Variants in GNL3L observed in about 807,000 individuals in gnomAD.
The protein encoded by GNL3L is guanine nucleotide-binding protein-like 3-like protein.
GNL3L carries 4 observed loss-of-function variants against 42.9 expected under a neutral mutation model. The ratio of observed to expected loss-of-function variants is 0.09; its 90% CI spans 0.05 to 0.21. The LOEUF (loss-of-function observed/expected upper bound fraction) is 0.21, where lower values mean the gene tolerates loss of function less well. Ranked by LOEUF, GNL3L falls within the 10% of genes least tolerant of loss-of-function variation. GNL3L has a pLI of 1.00. For missense variants in GNL3L, 412 were observed against 481.7 expected (o/e 0.86, Z 1.36); for synonymous variants, 159 against 176.3 (o/e 0.90, Z 0.78).
At chrX:54,559,130 C>T (rs139055142) in intron 15 of GNL3L, among the ~76,000 whole-genome samples, 1 of 111,557 alleles carries the variant, frequency 9.0e-6, no homozygotes, top group East Asian at 2.8e-4. Context: ...TTTCTGTGCC[C>T]CTCCCTCATA....
the GNL3L span, among the ~76,000 whole-genome samples, chrX:54,632,052 A>T: frequency 1.8e-5 from 2 of 112,141 alleles, no homozygotes; most frequent in Non-Finnish European, 3.8e-5. Flanking sequence ...TGGATACAAA[A>T]TTTTTGGCTG....
intron 9 of GNL3L, 33 bp downstream of exon 9, chrX:54,548,406 CTTCT>C (rs771691343): frequency 8.8e-7 from 1 of 1,140,653 alleles, no homozygotes; most frequent in Non-Finnish European, 1.2e-6. Context: ...GGGGCTCAGG[CTTCT>C]TTCTTGAGCG....
chrX:54,606,540 A>G (rs948089515), intron 16 of GNL3L, among the ~76,000 whole-genome samples: 4 of 110,381 alleles, frequency 3.6e-5, no homozygotes, highest in African/African-American at 1.3e-4. Flanking sequence ...CAGTGGTGCA[A>G]TCATAGCTCA....
At chrX:54,575,408 A>G (rs1925619130) in intron 16 of GNL3L, among the ~76,000 whole-genome samples, 1 of 107,662 alleles carries the variant, frequency 9.3e-6, no homozygotes, top group Admixed American at 9.7e-5. Flanking sequence ...TTTTTGGATG[A>G]ATGCACCTTC....
At chrX:54,583,571 C>T (rs1925744275) in intron 16 of GNL3L, among the ~76,000 whole-genome samples, 1 of 110,725 alleles carries the variant, frequency 9.0e-6, no homozygotes, top group Admixed American at 9.7e-5. Flanking sequence ...GAACATTTTG[C>T]CCTATTTTTT....
Position 54,566,985 on chromosome X carries a change from C to T in GNL3L, c.*6383C>T, listed in dbSNP as rs1260027721. 1.8e-5 allele frequency among the ~76,000 whole-genome samples: 2 copies of T among 112,058 alleles called. No homozygotes were observed. Among genetic ancestry groups the T allele is most frequent in the East Asian group, 2.8e-4 (1 of 3,578 alleles). Reference sequence around the variant, plus strand: ...ATGGATCATGCTTTTTGTGTTACATCAGAGGAGTCTTTGCTTAACATGAGA... The same window carrying T: ...ATGGATCATGCTTTTTGTGTTACATTAGAGGAGTCTTTGCTTAACATGAGA... On this transcript the variant is annotated 3_prime_UTR_variant, in exon 16 of 16. Transcript: ENST00000360845.
chrX:54,605,860 G>A (rs1391469803), intron 16 of GNL3L, among the ~76,000 whole-genome samples: 1 of 111,240 alleles, frequency 9.0e-6, no homozygotes, highest in Middle Eastern at 4.7e-3. Flanking sequence ...ACTTCCCTTA[G>A]GACATGTTTC....
intron 1 of GNL3L, among the ~76,000 whole-genome samples, chrX:54,532,172 G>A (rs1314999160): frequency 9.1e-6 from 1 of 110,055 alleles, no homozygotes; most frequent in Non-Finnish European, 1.9e-5. Context: ...GAGGTGTTGA[G>A]CACTAGTCCC....
chrX:54,594,070 G>A (rs1021421181), intron 16 of GNL3L, among the ~76,000 whole-genome samples: 1 of 111,765 alleles, frequency 8.9e-6, no homozygotes, highest in African/African-American at 3.2e-5. Context: ...AAAAGAATGT[G>A]TACTCTGCAG....
chrX:54,627,842 T>C, the GNL3L span, among the ~76,000 whole-genome samples: 1 of 111,845 alleles, frequency 8.9e-6, no homozygotes, highest in East Asian at 2.8e-4. Flanking sequence ...TTCTTTATTA[T>C]TATTTTTATT....
At chrX:54,547,941 G>A (rs1034484834) in intron 8 of GNL3L, among the ~76,000 whole-genome samples, 5 of 111,680 alleles carry the variant, frequency 4.5e-5, no homozygotes, top group African/African-American at 1.3e-4. Flanking sequence ...GTGAGAAGTA[G>A]ACCTGGAGCT....
At chrX:54,623,502 A>C (rs774644414), downstream of GNL3L, among the ~76,000 whole-genome samples, 5 of 111,900 alleles carry the variant, frequency 4.5e-5, no homozygotes, top group East Asian at 1.1e-3. Flanking sequence ...TGACCTTGTG[A>C]TCCGCCTGCC....
chrX:54,552,325 C>T lies in GNL3L; in HGVS notation c.1215C>T (p.Ala405=), dbSNP rs1328369192. 1 of 1,206,440 alleles carries T rather than the reference C, an allele frequency of 8.3e-7. No homozygotes were observed. Among genetic ancestry groups the T allele is most frequent in the South Asian group, 1.8e-5 (1 of 56,843 alleles). The stretch of plus-strand genomic sequence containing the variant: ...TCAGCTTCTATATACCACCACCAGC[C>T]ACTCACACTCTGCCCACCCATCTCA... ...GKISFYIPPP[A]THTLPTHLSA... Residue 405 remains alanine (A), a synonymous_variant, in exon 13 of 16, where the codon GCC becomes GCT. Transcript: ENST00000360845.
At chrX:54,623,002 C>T (rs1041839072), downstream of GNL3L, among the ~76,000 whole-genome samples, 1 of 111,729 alleles carries the variant, frequency 9.0e-6, no homozygotes, top group Non-Finnish European at 1.9e-5. Context: ...ATGGACTTGT[C>T]ACCTTTGTCA....
At chrX:54,594,617 T>G (rs1213240251) in intron 16 of GNL3L, among the ~76,000 whole-genome samples, 1 of 109,634 alleles carries the variant, frequency 9.1e-6, no homozygotes, top group African/African-American at 3.3e-5. Context: ...TTACACTCAG[T>G]GTTATTGATA....
chrX:54,543,298 G>A lies in GNL3L; in HGVS notation c.482G>A (p.Arg161Gln). The change falls in exon 7 of 16, where the codon CGA (arginine) becomes CAA (glutamine). Residue 161 changes from arginine to glutamine, a missense_variant. By Grantham distance (43) the Arg-to-Gln change is conservative (BLOSUM62 1). Coordinates refer to ENST00000360845, the MANE Select transcript of GNL3L (RefSeq NM_001184819.2). ...TTCCAAATGGAGGAGGCTGTCCTGCGAGCACAAGGCAACAAGAAGCTGGTC... is the reference window on the plus strand; with the variant it reads ...TTCCAAATGGAGGAGGCTGTCCTGCAAGCACAAGGCAACAAGAAGCTGGTC... ...RCFQMEEAVL[R>Q]AQGNKKLVLV... 8.3e-7 allele frequency: 1 copy of A among 1,210,672 alleles called. No homozygotes were observed. The highest frequency in any genetic ancestry group is 2.3e-4 in the Middle Eastern group (1 of 4,353).
intron 9 of GNL3L, among the ~76,000 whole-genome samples, chrX:54,550,027 G>A (rs1924886317): frequency 9.1e-6 from 1 of 110,256 alleles, no homozygotes; most frequent in South Asian, 4.0e-4. Flanking sequence ...AGGATTGGTG[G>A]GGTGGAGAGA....
downstream of GNL3L, among the ~76,000 whole-genome samples, chrX:54,567,847 A>G (rs1011558709): frequency 9.0e-6 from 1 of 111,041 alleles, no homozygotes; most frequent in African/African-American, 3.3e-5. Context: ...AAATGATTAC[A>G]TGGTTTTTCT....
chrX:54,567,241 A>G lies in GNL3L; in HGVS notation c.*6639A>G, dbSNP rs1282431818. On this transcript the variant is annotated 3_prime_UTR_variant, in exon 16 of 16. Coordinates refer to ENST00000360845, the MANE Select transcript of GNL3L (RefSeq NM_001184819.2). ...AGATTTAACCAGACTTTCTACATAG[A>G]CAATCATATCTTCTGTGAATAAACA... 8.9e-6 allele frequency among the ~76,000 whole-genome samples: 1 copy of G among 112,032 alleles called. No individual in the cohort carries two copies. The highest frequency in any genetic ancestry group is 3.2e-5 in the African/African-American group (1 of 30,865).
Sources: gnomAD v4.1 joint callset for allele counts (sites outside exome capture counted in the v4.1 genomes callset) on GRCh38, gnomAD v4.1.1 for gene constraint, MANE v1.5 for transcripts, NCBI Gene and HGNC (gene_info 2026-07-23, HGNC 2026-07-21) for gene names.